Variants in SLC4A10 observed in about 807,000 individuals in gnomAD.
SLC4A10 encodes the protein sodium-driven chloride bicarbonate exchanger.
SLC4A10 carries 42 observed loss-of-function variants against 137.7 expected under a neutral mutation model. The observed-to-expected ratio is 0.30, with a 90% confidence interval of 0.24 to 0.39. The LOEUF (loss-of-function observed/expected upper bound fraction) is 0.39. Ranked by LOEUF, SLC4A10 falls within the 10% of genes least tolerant of loss-of-function variation. SLC4A10 has a pLI of 1.00. For missense variants in SLC4A10, 925 were observed against 1,355.0 expected, an observed-to-expected ratio of 0.68 and a Z score of 4.98; for synonymous variants, 474 against 464.1, an observed-to-expected ratio of 1.02 and a Z score of -0.27.
At chr2:161,978,302 G>A (rs1032829495) in intron 26 of SLC4A10, among the ~76,000 whole-genome samples, 10 of 145,496 alleles carry the variant, frequency 6.9e-5, no homozygotes, top group South Asian at 2.2e-4. Context: ...CAGGAGGATC[G>A]CTTGAGCCCA....
chr2:161,695,990 G>T (rs960622074), intron 1 of SLC4A10, among the ~76,000 whole-genome samples: 4 of 151,826 alleles, frequency 2.6e-5, no homozygotes, highest in Non-Finnish European at 1.5e-5. Context: ...GTATACATGT[G>T]CCATGTTGGT....
intron 3 of SLC4A10, among the ~76,000 whole-genome samples, chr2:161,836,660 A>G (rs1204888299): frequency 1.3e-5 from 2 of 151,686 alleles, no homozygotes; most frequent in African/African-American, 4.8e-5. Flanking sequence ...TCTGGAAAAA[A>G]AAAAACCCCA....
Position 161,909,753 on chromosome 2 carries a change from T to C in SLC4A10, c.1997+3866T>C, listed in dbSNP as rs146143554. Among the ~76,000 whole-genome samples the C allele has an allele frequency of 1.5e-3, 223 of 152,352 alleles. 1 individual carries two copies. Among genetic ancestry groups the C allele is most frequent in the African/African-American group, 5.2e-3 (215 of 41,586 alleles). The stretch of plus-strand genomic sequence containing the variant: ...ATATTTACTAGTGTACTTTTAGTTA[T>C]GTTCATTAATGAAAATAAGTTATTG... On this transcript the variant is annotated intron_variant, in intron 15 of 26. Transcript: ENST00000446997.
intron 7 of SLC4A10, among the ~76,000 whole-genome samples, chr2:161,873,040 T>C (rs1039706348): frequency 7.9e-5 from 12 of 152,186 alleles, no homozygotes; most frequent in African/African-American, 2.7e-4. Context: ...TTAAAAACTT[T>C]GGCTAGTTTG....
intron 8 of SLC4A10, among the ~76,000 whole-genome samples, chr2:161,875,135 T>G (rs2061385498): frequency 6.6e-6 from 1 of 152,138 alleles, no homozygotes; most frequent in Admixed American, 6.5e-5. Context: ...TAAGTAAGAT[T>G]TTTTACTTTA....
At chr2:161,837,114 T>G (rs1450437890) in intron 3 of SLC4A10, among the ~76,000 whole-genome samples, 4 of 152,086 alleles carry the variant, frequency 2.6e-5, no homozygotes, top group African/African-American at 9.7e-5. Context: ...TTCTAGCCAG[T>G]ATAATAATAA....
At chr2:161,816,867 T>C (rs1422339201) in intron 3 of SLC4A10, among the ~76,000 whole-genome samples, 1 of 152,156 alleles carries the variant, frequency 6.6e-6, no homozygotes, top group Non-Finnish European at 1.5e-5. Flanking sequence ...ATTTTCTTAA[T>C]CCAGTCTATC....
intron 1 of SLC4A10, among the ~76,000 whole-genome samples, chr2:161,688,682 C>T (rs1036663769): frequency 6.6e-5 from 10 of 152,128 alleles, no homozygotes; most frequent in African/African-American, 2.4e-4. Context: ...CTTTAGTCTT[C>T]CATTTACAAG....
At chr2:161,787,284 G>A (rs62190664) in intron 2 of SLC4A10, among the ~76,000 whole-genome samples, 1 of 152,142 alleles carries the variant, frequency 6.6e-6, no homozygotes, top group East Asian at 1.9e-4. Context: ...TGTTGAGAAA[G>A]CCACTGCTAG....
At chr2:161,947,055 C>T (rs1247548959) in intron 16 of SLC4A10, among the ~76,000 whole-genome samples, 3 of 152,084 alleles carry the variant, frequency 2.0e-5, no homozygotes, top group Admixed American at 6.6e-5. Flanking sequence ...CACAGCTCTG[C>T]GGCCACCCAC....
At chr2:161,757,425 G>A (rs1252977595) in intron 1 of SLC4A10, among the ~76,000 whole-genome samples, 1 of 152,012 alleles carries the variant, frequency 6.6e-6, no homozygotes, top group African/African-American at 2.4e-5. Flanking sequence ...GCTCTTGGGA[G>A]GATTAAATAA....
intron 1 of SLC4A10, among the ~76,000 whole-genome samples, chr2:161,670,301 C>CT (rs554834566): frequency 0.78 from 114,268 of 146,266 alleles, 44,761 homozygotes; most frequent in Non-Finnish European, 0.83. Context: ...CTTTCATCTT[C>CT]TTTTTTTTTT....
At chr2:161,802,716 G>A (rs1275254328) in intron 2 of SLC4A10, among the ~76,000 whole-genome samples, 2 of 152,128 alleles carry the variant, frequency 1.3e-5, no homozygotes, top group Admixed American at 6.6e-5. Flanking sequence ...GGCTAGCCAG[G>A]TGGGTCTCAT....
chr2:161,949,137 A>C lies in SLC4A10; in HGVS notation c.2266-11A>C. The C allele has an allele frequency of 6.3e-7, 1 of 1,585,008 alleles. No homozygotes were observed. The highest frequency in any genetic ancestry group is 8.6e-7 in the Non-Finnish European group (1 of 1,158,200). On this transcript the variant is annotated splice_polypyrimidine_tract_variant and intron_variant, in intron 17 of 26. Coordinates refer to ENST00000446997, the MANE Select transcript of SLC4A10 (RefSeq NM_001178015.2). ...GCTACTTTAAGTGACAAGTGTTTTC[A>C]TTATTTTTAGGTTCGATCCATAGTG...
intron 1 of SLC4A10, among the ~76,000 whole-genome samples, chr2:161,764,430 G>A (rs2050584326): frequency 6.6e-6 from 1 of 152,012 alleles, no homozygotes; most frequent in African/African-American, 2.4e-5. Context: ...AGAAGTAGTT[G>A]AAGAAAGAAT....
In SLC4A10 at chr2:161,708,757, T is replaced by G. The variant is rs191369944; in HGVS notation, c.49-62216T>G. ...CTTTTGTAAGACAGGAAATGCAGTC[T>G]TTAGGGGTTTCTGGAAATAGAAAGG... is the stretch of plus-strand genomic sequence containing the variant. On this transcript the variant is annotated intron_variant, in intron 1 of 26. Transcript: ENST00000446997. The G allele has an allele frequency of 1.4e-3, 2,178 of 1,532,344 alleles. 5 individuals are homozygous for G. The highest frequency in any genetic ancestry group is 0.012 in the Middle Eastern group (72 of 5,964). 94.9% of individuals were successfully genotyped at this position (1,532,344 alleles called of 1,614,324 possible). A position where few individuals can be genotyped will look rare whatever the true frequency, so the allele number is the denominator to read the frequency against.
chr2:161,688,723 A>G (rs1216743028), intron 1 of SLC4A10, among the ~76,000 whole-genome samples: 2 of 152,198 alleles, frequency 1.3e-5, no homozygotes, highest in African/African-American at 4.8e-5. Context: ...CAATTTAGCT[A>G]ATGTAATTTA....
At chr2:161,695,292 T>C (rs956482286) in intron 1 of SLC4A10, among the ~76,000 whole-genome samples, 30 of 152,090 alleles carry the variant, frequency 2.0e-4, no homozygotes, top group African/African-American at 6.5e-4. Flanking sequence ...TAAATATTAT[T>C]TACAAATCAA....
At position 161,659,163 on chromosome 2, in the gene SLC4A10, T is replaced by C. The variant is rs1219866284; in HGVS notation, c.48+34597T>C. ...GATATGGAATCAATCTGTGTGTCCA[T>C]CTTTGGTTGACTGGATAAATAAAAG... On this transcript the variant is annotated intron_variant, in intron 1 of 26. Transcript: ENST00000446997. 2.6e-5 allele frequency among the ~76,000 whole-genome samples: 4 copies of C among 152,216 alleles called. No individual in the cohort carries two copies. The East Asian group carries it at 7.7e-4, about 29-fold the overall frequency.
Sources: allele counts gnomAD v4.1 joint callset (sites outside exome capture counted in the v4.1 genomes callset), GRCh38; gene constraint gnomAD v4.1.1; transcripts MANE v1.5; gene names NCBI Gene and HGNC (gene_info 2026-07-23, HGNC 2026-07-21).